STIM2: variants seen among roughly 807,000 people sequenced by gnomAD.
STIM2 encodes stromal interaction molecule 2.
Under a neutral mutation model 85.8 loss-of-function variants are expected in STIM2, and 31 were observed. The observed-to-expected ratio is 0.36, with a 90% CI of 0.27 to 0.49. The LOEUF (loss-of-function observed/expected upper bound fraction) is 0.49, where lower values mean the gene tolerates loss of function less well. Among genes scored for constraint, STIM2 ranks in the 20% least tolerant of loss-of-function variants. The probability of loss-of-function intolerance (pLI) is 0.98; values close to 1 mark genes in which losing one functional copy is unlikely to be tolerated. For missense variants in STIM2, 841 were observed against 927.6 expected (o/e 0.91, Z 1.21); for synonymous variants, 356 against 331.1 (o/e 1.08, Z -0.82).
Position 26,861,272 on chromosome 4 carries a change from GC to G in STIM2, c.58del (p.Arg20GlyfsTer30), listed in dbSNP as rs755198794. On this transcript the variant is annotated frameshift_variant, in exon 1 of 12. Transcript: ENST00000467087. LOFTEE classifies it high-confidence loss of function. The stretch of plus-strand genomic sequence containing the variant: ...GAGCGGCGGACGGATGCGAGCTTGT[GC>G]CCCGGCACCTCCGCGGGCGGCGGGC... 1.4e-6 allele frequency: 2 copies of G among 1,468,648 alleles called. No individual in the cohort carries two copies. Among genetic ancestry groups the G allele is most frequent in the Non-Finnish European group, 9.0e-7 (1 of 1,115,146 alleles). The allele number at this position is 1,468,648 out of a possible 1,614,324, so 91.0% of individuals were successfully genotyped here. A position where few individuals can be genotyped will look rare whatever the true frequency, so the allele number is the denominator to read the frequency against.
At chr4:26,883,079 C>T (rs1723088598) in intron 1 of STIM2, among the ~76,000 whole-genome samples, 1 of 150,588 alleles carries the variant, frequency 6.6e-6, no homozygotes, top group Non-Finnish European at 1.5e-5. Flanking sequence ...GAACTCCTGA[C>T]CTCCGGTGAT....
intron 8 of STIM2, chr4:27,007,931 A>G (rs777396569): frequency 1.9e-5 from 14 of 721,560 alleles, no homozygotes; most frequent in Non-Finnish European, 2.8e-5. Context: ...TTTAAACATT[A>G]TTCTTTTTTA....
At chr4:26,895,452 G>A (rs1027991004) in intron 1 of STIM2, among the ~76,000 whole-genome samples, 4 of 152,084 alleles carry the variant, frequency 2.6e-5, no homozygotes, top group African/African-American at 9.7e-5. Context: ...GGATCCATAC[G>A]TTTTGAGTTT....
rs1249121691 is a variant in STIM2 at position 26,924,165 on chromosome 4, C to A, written c.282+4531C>A. ...TACCCAGGAATTGAACTCAGCTCTG[C>A]ACCAAGCAGACCTAATAGACATCTA... is the stretch of plus-strand genomic sequence containing the variant. On this transcript the variant is annotated intron_variant, in intron 2 of 11. Coordinates refer to ENST00000467087, the MANE Select transcript of STIM2 (RefSeq NM_020860.4). Among the ~76,000 whole-genome samples, 2 of 3,236 alleles carry A rather than the reference C, an allele frequency of 6.2e-4. 1 individual carries two copies. Among genetic ancestry groups the A allele is most frequent in the Non-Finnish European group, 8.1e-4 (2 of 2,466 alleles). The allele number at this position is 3,236 out of a possible 152,430, so 2.1% of individuals were successfully genotyped here. A position where few individuals can be genotyped will look rare whatever the true frequency, so the allele number is the denominator to read the frequency against.
At chr4:26,943,842 A>G (rs1161756020) in intron 2 of STIM2, among the ~76,000 whole-genome samples, 1 of 152,140 alleles carries the variant, frequency 6.6e-6, no homozygotes, top group Non-Finnish European at 1.5e-5. Context: ...ATTTTCCTGT[A>G]GTCACACTGA....
intron 11 of STIM2, among the ~76,000 whole-genome samples, chr4:27,020,413 G>GAA (rs1488092456): frequency 6.6e-6 from 1 of 152,130 alleles, no homozygotes; most frequent in African/African-American, 2.4e-5. Flanking sequence ...CCTCATATCT[G>GAA]AACTGCTTCT....
intron 1 of STIM2, among the ~76,000 whole-genome samples, chr4:26,898,854 A>C (rs1046147471): frequency 6.6e-6 from 1 of 152,252 alleles, no homozygotes; most frequent in Admixed American, 6.5e-5. Context: ...GGCATTTAGA[A>C]ATACAATTAA....
At chr4:26,994,820 T>C (rs1158789689) in intron 3 of STIM2, among the ~76,000 whole-genome samples, 2 of 152,090 alleles carry the variant, frequency 1.3e-5, no homozygotes, top group African/African-American at 2.4e-5. Flanking sequence ...GTCTCAGATG[T>C]CAGCTCCTTA....
At chr4:27,002,144 A>T in intron 5 of STIM2, 73 bp from the exon 6 acceptor site, 1 of 1,425,988 alleles carries the variant, frequency 7.0e-7, no homozygotes, top group South Asian at 1.5e-5. Flanking sequence ...GATACTACTT[A>T]AAAAATGTCT....
At chr4:26,946,209 A>C (rs1725826885) in intron 2 of STIM2, among the ~76,000 whole-genome samples, 1 of 152,202 alleles carries the variant, frequency 6.6e-6, no homozygotes, top group Non-Finnish European at 1.5e-5. Context: ...TCAATAAGTA[A>C]TGCTTGAGTA....
intron 2 of STIM2, among the ~76,000 whole-genome samples, chr4:26,938,466 A>G (rs1431698692): frequency 6.6e-6 from 1 of 152,084 alleles, no homozygotes. Flanking sequence ...TTTTACCACA[A>G]AAACAAAGGT....
chr4:27,019,369 T>C, intron 11 of STIM2: 1 of 1,251,390 alleles, frequency 8.0e-7, no homozygotes, highest in Non-Finnish European at 1.0e-6. Flanking sequence ...TGGTTAACAC[T>C]TTATGACTAG....
intron 1 of STIM2, among the ~76,000 whole-genome samples, chr4:26,876,044 C>G (rs1028512981): frequency 4.6e-5 from 7 of 151,902 alleles, no homozygotes; most frequent in Admixed American, 1.3e-4. Flanking sequence ...GGCTCAGTAT[C>G]CAGTCCATGG....
intron 1 of STIM2, among the ~76,000 whole-genome samples, chr4:26,888,401 AT>A (rs1723337610): frequency 6.6e-6 from 1 of 152,218 alleles, no homozygotes; most frequent in African/African-American, 2.4e-5. Context: ...AAATATCATG[AT>A]GTAAAGTTAG....
At chr4:26,957,945 A>G (rs1363960931) in intron 3 of STIM2, among the ~76,000 whole-genome samples, 1 of 152,178 alleles carries the variant, frequency 6.6e-6, no homozygotes, top group South Asian at 2.1e-4. Context: ...ATATAATTAT[A>G]GTAGAATAAA....
intron 2 of STIM2, among the ~76,000 whole-genome samples, chr4:26,931,615 A>G (rs1238808426): frequency 6.6e-6 from 1 of 152,180 alleles, no homozygotes; most frequent in African/African-American, 2.4e-5. Context: ...GACTCTAATT[A>G]CATGCACAAA....
chr4:27,007,428 TAATTAA>T, intron 7 of STIM2, 99 bp from the exon 8 acceptor site: 2 of 776,776 alleles, frequency 2.6e-6, no homozygotes, highest in Non-Finnish European at 3.8e-6. Context: ...ACAAAGAGCA[TAATTAA>T]AATAGCTTTT....
intron 1 of STIM2, among the ~76,000 whole-genome samples, chr4:26,877,582 A>G (rs1187117630): frequency 1.3e-5 from 2 of 151,836 alleles, no homozygotes; most frequent in African/African-American, 4.8e-5. Flanking sequence ...TGTGTCTAGA[A>G]ATGCGTATAC....
Position 27,014,519 on chromosome 4 carries a change from A to G in STIM2, c.1490-3192A>G, listed in dbSNP as rs545891120. Among the ~76,000 whole-genome samples, 6 of 151,274 alleles carry G rather than the reference A, an allele frequency of 4.0e-5. No individual in the cohort carries two copies. In the South Asian group the frequency reaches 1.0e-3, roughly 26 times the overall value. On this transcript the variant is annotated intron_variant, in intron 10 of 11. Coordinates refer to ENST00000467087, the MANE Select transcript of STIM2 (RefSeq NM_020860.4). ...TTGGGTTTTAAAAACATCTTTGCCT[A>G]TTGATTTCTACTTGTGCGTGATTAG...
Sources: gnomAD v4.1 joint callset for allele counts (sites outside exome capture counted in the v4.1 genomes callset) on GRCh38, gnomAD v4.1.1 for gene constraint, MANE v1.5 for transcripts, NCBI Gene and HGNC (gene_info 2026-07-23, HGNC 2026-07-21) for gene names.